Variants in SNX9 observed in about 807,000 individuals in gnomAD.
SNX9 encodes the protein sorting nexin 9.
A neutral mutation model predicts 89.4 loss-of-function variants in SNX9; 44 were observed. That is an observed-to-expected ratio of 0.49 (90% CI 0.39 to 0.63). The LOEUF (loss-of-function observed/expected upper bound fraction) is 0.63, where lower values mean the gene tolerates loss of function less well. Among genes scored for constraint, SNX9 ranks in the 30% least tolerant of loss-of-function variants. The pLI is 0.00. For synonymous variants in SNX9, 236 were observed against 247.8 expected, an observed-to-expected ratio of 0.95 and a Z score of 0.45; for missense variants, 578 against 736.1, an observed-to-expected ratio of 0.79 and a Z score of 2.49.
intron 4 of SNX9, among the ~76,000 whole-genome samples, chr6:157,875,762 G>C (rs1284915089): frequency 6.6e-6 from 1 of 152,092 alleles, no homozygotes; most frequent in African/African-American, 2.4e-5. Context: ...AATTTGACTA[G>C]TTTAGGTGAA....
intron 1 of SNX9, among the ~76,000 whole-genome samples, chr6:157,866,382 T>C (rs1782261342): frequency 6.6e-6 from 1 of 152,204 alleles, no homozygotes; most frequent in African/African-American, 2.4e-5. Flanking sequence ...GAGACCAGCC[T>C]AGGCAACATG....
chr6:157,831,589 G>A (rs1205737278), intron 1 of SNX9, among the ~76,000 whole-genome samples: 3 of 152,126 alleles, frequency 2.0e-5, no homozygotes, highest in Non-Finnish European at 2.9e-5. Context: ...CCCCCACACA[G>A]TCCCCAGAGC....
intron 1 of SNX9, among the ~76,000 whole-genome samples, chr6:157,842,618 AGT>A (rs1485920512): frequency 6.6e-6 from 1 of 152,182 alleles, no homozygotes; most frequent in Non-Finnish European, 1.5e-5. Flanking sequence ...GGAAGTGGGG[AGT>A]GCTGATTGGT....
At chr6:157,936,504 A>G (rs1254700592) in intron 14 of SNX9, among the ~76,000 whole-genome samples, 1 of 152,126 alleles carries the variant, frequency 6.6e-6, no homozygotes, top group Non-Finnish European at 1.5e-5. Flanking sequence ...GCGAGACCCT[A>G]TCTCAGAAGA....
rs1207627479 is a variant in SNX9, at chr6:157,940,987, C to A, written c.1740+13C>A. 1 of 1,612,198 alleles carries A rather than the reference C, an allele frequency of 6.2e-7. No individual in the cohort carries two copies. The highest frequency in any genetic ancestry group is 1.1e-5 in the South Asian group (1 of 91,034). ...ATTTTACGAAACGGTGAGTGGGCGT[C>A]CACGTGCCTTTCGCATGTGCTTGAG... On this transcript the variant is annotated intron_variant, in intron 17 of 17. Transcript: ENST00000392185.
chr6:157,938,890 C>T lies in SNX9; in HGVS notation c.1648+143C>T, dbSNP rs762000133. The T allele has an allele frequency of 1.5e-5, 9 of 597,488 alleles. No individual in the cohort carries two copies. The East Asian group carries it at 2.3e-4, about 16-fold the overall frequency. 37.0% of individuals were successfully genotyped at this position (597,488 alleles called of 1,614,324 possible). On this transcript the variant is annotated intron_variant, in intron 16 of 17. Transcript: ENST00000392185. ...GCCCCTCGTTTGCAGGATCCCGGTGCTGATGAAAATCTGTAATATTTATTT... is the reference window on the plus strand; with the variant it reads ...GCCCCTCGTTTGCAGGATCCCGGTGTTGATGAAAATCTGTAATATTTATTT...
At chr6:157,831,921 C>T (rs979164494) in intron 1 of SNX9, among the ~76,000 whole-genome samples, 1 of 152,204 alleles carries the variant, frequency 6.6e-6, no homozygotes, top group African/African-American at 2.4e-5. Context: ...AAGTGTTAAT[C>T]TGATCTTTGC....
intron 13 of SNX9, among the ~76,000 whole-genome samples, chr6:157,935,647 C>T (rs1783908178): frequency 1.3e-5 from 2 of 152,152 alleles, no homozygotes; most frequent in Admixed American, 1.3e-4. Flanking sequence ...TCATTATAGC[C>T]GAATGACAGT....
At chr6:157,873,513 AGATAT>A (rs1409359430) in intron 3 of SNX9, among the ~76,000 whole-genome samples, 1 of 145,616 alleles carries the variant, frequency 6.9e-6, no homozygotes, top group African/African-American at 2.6e-5. Context: ...AAATTCAATA[AGATAT>A]ATGAAATTAT....
intron 1 of SNX9, among the ~76,000 whole-genome samples, chr6:157,861,613 G>A (rs191077221): frequency 6.6e-6 from 1 of 152,120 alleles, no homozygotes; most frequent in Non-Finnish European, 1.5e-5. Context: ...TGGAGTAAGC[G>A]CAAGGTTGAG....
At chr6:157,859,902 C>CATA (rs147417141) in intron 1 of SNX9, among the ~76,000 whole-genome samples, 19,103 of 152,116 alleles carry the variant, frequency 0.13, 1,935 homozygotes, top group African/African-American at 0.28. Context: ...GTGATTTTTA[C>CATA]ATAATTTTGT....
chr6:157,841,463 C>T (rs1781701226), intron 1 of SNX9, among the ~76,000 whole-genome samples: 1 of 152,138 alleles, frequency 6.6e-6, no homozygotes, highest in African/African-American at 2.4e-5. Flanking sequence ...AGATTGAGAC[C>T]TACCTAGAGA....
At chr6:157,935,709 A>G (rs112427878) in intron 13 of SNX9, among the ~76,000 whole-genome samples, 1 of 152,298 alleles carries the variant, frequency 6.6e-6, no homozygotes, top group African/African-American at 2.4e-5. Flanking sequence ...GTCCTCATCT[A>G]TTAGGCAAGA....
In SNX9 at chr6:157,943,061, T is replaced by C. The variant is rs1784075708; in HGVS notation, c.*223T>C. ...ATCCATTATTTAAACCAGTGGAAAT[T>C]GTCTCTATTTTTGGAAAGTACTTAA... On this transcript the variant is annotated 3_prime_UTR_variant, in exon 18 of 18. Coordinates refer to ENST00000392185, the MANE Select transcript of SNX9 (RefSeq NM_016224.5). The C allele has an allele frequency of 4.9e-6, 2 of 410,830 alleles. No individual in the cohort carries two copies. Among genetic ancestry groups the C allele is most frequent in the Admixed American group, 4.4e-5 (1 of 22,766 alleles). The allele number at this position is 410,830 out of a possible 1,614,324, so 25.4% of individuals were successfully genotyped here.
chr6:157,844,345 T>G (rs967309937), intron 1 of SNX9, among the ~76,000 whole-genome samples: 1 of 151,866 alleles, frequency 6.6e-6, no homozygotes, highest in Non-Finnish European at 1.5e-5. Flanking sequence ...GGAGTGCTGA[T>G]TGGTCAGGGG....
At chr6:157,907,278 T>TTTG (rs1554296202) in intron 7 of SNX9, among the ~76,000 whole-genome samples, 5 of 151,676 alleles carry the variant, frequency 3.3e-5, no homozygotes, top group East Asian at 1.9e-4. Flanking sequence ...AGTTTTGTTT[T>TTTG]TTTGTTTGTT....
intron 1 of SNX9, among the ~76,000 whole-genome samples, chr6:157,856,645 C>T (rs1019534787): frequency 1.3e-5 from 2 of 152,154 alleles, no homozygotes; most frequent in African/African-American, 4.8e-5. Flanking sequence ...TTATAGGTTC[C>T]CTTACCTCAC....
Position 157,944,169 on chromosome 6 carries a change from G to C in SNX9, c.*1331G>C, listed in dbSNP as rs914532501. On this transcript the variant is annotated 3_prime_UTR_variant, in exon 18 of 18. Transcript: ENST00000392185. ...AGGAGCGCTCCCGTCTCCCACAGGT[G>C]CCTTACCGCGTTCCCTCCCGCTGCT... is the stretch of plus-strand genomic sequence containing the variant. The C allele has an allele frequency of 6.6e-6, 1 of 152,272 alleles. No homozygotes were observed. Among genetic ancestry groups the C allele is most frequent in the Non-Finnish European group, 1.5e-5 (1 of 68,038 alleles). 9.4% of individuals were successfully genotyped at this position (152,272 alleles called of 1,614,324 possible).
At chr6:157,891,720 G>A (rs1204287410) in intron 4 of SNX9, among the ~76,000 whole-genome samples, 1 of 152,200 alleles carries the variant, frequency 6.6e-6, no homozygotes, top group Non-Finnish European at 1.5e-5. Flanking sequence ...GAAAGGAGGC[G>A]GCTGGATGTC....
Sources: gnomAD v4.1 joint callset for allele counts (sites outside exome capture counted in the v4.1 genomes callset) on GRCh38, gnomAD v4.1.1 for gene constraint, MANE v1.5 for transcripts, NCBI Gene and HGNC (gene_info 2026-07-23, HGNC 2026-07-21) for gene names.